Variants in KREMEN1 observed in about 807,000 individuals in gnomAD.
KREMEN1 encodes kringle containing transmembrane protein 1, also known as kremen protein 1.
KREMEN1 carries 30 observed loss-of-function variants against 46.5 expected under a neutral mutation model. The ratio of observed to expected loss-of-function variants is 0.65; its 90% CI spans 0.48 to 0.88. The LOEUF (loss-of-function observed/expected upper bound fraction) is 0.88, where lower values mean the gene tolerates loss of function less well. Ranked by LOEUF, KREMEN1 falls within the 40% of genes least tolerant of loss-of-function variation. KREMEN1 has a pLI of 0.00. For missense variants in KREMEN1, 533 were observed against 596.9 expected (o/e 0.89, Z 1.11); for synonymous variants, 214 against 230.6 (o/e 0.93, Z 0.65).
At position 29,131,592 on chromosome 22, in the gene KREMEN1, GTGTA is replaced by G. The variant is rs1478405424; in HGVS notation, c.632-5748_632-5745del. 5.4e-4 allele frequency among the ~76,000 whole-genome samples: 70 copies of G among 129,050 alleles called. 1 individual carries two copies. The highest frequency in any genetic ancestry group is 1.3e-3 in the Admixed American group (17 of 12,662). The allele number at this position is 129,050 out of a possible 152,430, so 84.7% of individuals were successfully genotyped here. A position where few individuals can be genotyped will look rare whatever the true frequency, so the allele number is the denominator to read the frequency against. ...TGTGTGTGTGTGTGTGTGTGTGTGT[GTGTA>G]TATGTATATATGTGTGTATATATAT... On this transcript the variant is annotated intron_variant, in intron 5 of 8. Coordinates refer to ENST00000400335, the MANE Select transcript of KREMEN1 (RefSeq NM_001039570.3).
rs1486458891 is a variant in KREMEN1 at position 29,080,102 on chromosome 22, AGGATGG to A, written c.97+6879_97+6884del. ...TTCCTATGTCTATGGGGAAATAAACAGGATGGGGACTGTCCTTTTAAGGGGCTTTCC... is the reference window on the plus strand; with the variant it reads ...TTCCTATGTCTATGGGGAAATAAACAGGACTGTCCTTTTAAGGGGCTTTCC... On this transcript the variant is annotated intron_variant, in intron 1 of 8. Transcript: ENST00000400335. 2.6e-5 allele frequency among the ~76,000 whole-genome samples: 4 copies of A among 152,358 alleles called. No individual in the cohort carries two copies. The East Asian group carries it at 7.7e-4, about 29-fold the overall frequency.
Position 29,142,858 on chromosome 22 carries a change from A to C in KREMEN1, c.*746A>C, listed in dbSNP as rs1267247818. On this transcript the variant is annotated 3_prime_UTR_variant, in exon 9 of 9. Transcript: ENST00000400335. ...GCTTTAAGAGCTTTGGTCATATAAAACATCCATTCAGCTGGGCGCGATGGC... is the reference window on the plus strand; with the variant it reads ...GCTTTAAGAGCTTTGGTCATATAAACCATCCATTCAGCTGGGCGCGATGGC... 4 of 985,316 alleles carry C rather than the reference A, an allele frequency of 4.1e-6. No individual in the cohort carries two copies. The African/African-American group carries it at 5.2e-5, about 13-fold the overall frequency. 61.0% of individuals were successfully genotyped at this position (985,316 alleles called of 1,614,324 possible). A position where few individuals can be genotyped will look rare whatever the true frequency, so the allele number is the denominator to read the frequency against.
At chr22:29,083,764 G>A (rs1267940914) in intron 1 of KREMEN1, among the ~76,000 whole-genome samples, 2 of 152,120 alleles carry the variant, frequency 1.3e-5, no homozygotes, top group Non-Finnish European at 2.9e-5. Context: ...CCTAGGAGGC[G>A]GATGTTGCAG....
At chr22:29,133,705 C>T (rs2038607887) in intron 5 of KREMEN1, among the ~76,000 whole-genome samples, 1 of 151,128 alleles carries the variant, frequency 6.6e-6, no homozygotes, top group Non-Finnish European at 1.5e-5. Flanking sequence ...TTTTTGTTTG[C>T]TTGGGTTTGC....
chr22:29,105,509 A>G (rs134673), intron 3 of KREMEN1, among the ~76,000 whole-genome samples: 54 of 150,284 alleles, frequency 3.6e-4, no homozygotes, highest in African/African-American at 1.2e-3. Context: ...ACACACACAC[A>G]CACTCTGATG....
intron 5 of KREMEN1, among the ~76,000 whole-genome samples, chr22:29,129,951 A>G (rs1197843066): frequency 6.6e-6 from 1 of 152,164 alleles, no homozygotes; most frequent in Non-Finnish European, 1.5e-5. Flanking sequence ...ACAGAAGAAC[A>G]TGTAGGCCAG....
intron 5 of KREMEN1, among the ~76,000 whole-genome samples, chr22:29,128,863 G>C (rs2038487659): frequency 6.6e-6 from 1 of 152,182 alleles, no homozygotes; most frequent in Non-Finnish European, 1.5e-5. Context: ...TCTATTTTCA[G>C]CAGCTAGAAT....
chr22:29,128,922 T>G (rs2038489342), intron 5 of KREMEN1, among the ~76,000 whole-genome samples: 2 of 152,236 alleles, frequency 1.3e-5, no homozygotes, highest in South Asian at 4.1e-4. Context: ...GGATCCAGTT[T>G]TATGCTTTAA....
chr22:29,157,590 G>A (rs927628224), intron 9 of KREMEN1, among the ~76,000 whole-genome samples: 5 of 152,142 alleles, frequency 3.3e-5, no homozygotes, highest in South Asian at 2.1e-4. Context: ...CACCTGCCTC[G>A]GCCTCCCAAA....
Position 29,143,658 on chromosome 22 carries a change from C to T in KREMEN1, c.*1546C>T, listed in dbSNP as rs372810998. 14 of 771,448 alleles carry T rather than the reference C, an allele frequency of 1.8e-5. No homozygotes were observed. The South Asian group carries it at 3.5e-4, about 19-fold the overall frequency. 47.8% of individuals were successfully genotyped at this position (771,448 alleles called of 1,614,324 possible). A position where few individuals can be genotyped will look rare whatever the true frequency, so the allele number is the denominator to read the frequency against. ...TCGGGAGGCTGAGGCAGGAGAATGG[C>T]GTGAACCCGGGAGGCGGAGCTTGCA... On this transcript the variant is annotated 3_prime_UTR_variant, in exon 9 of 9. Coordinates refer to ENST00000400335, the MANE Select transcript of KREMEN1 (RefSeq NM_001039570.3).
rs538651542 is a variant in KREMEN1, at chr22:29,129,336, G to A, written c.631+3920G>A. On this transcript the variant is annotated intron_variant, in intron 5 of 8. Transcript: ENST00000400335. ...TACTCCAGCCTGGGCGACAGAGTGA[G>A]ACTCCATCTAAAAAAAAAAAGGTCC... Among the ~76,000 whole-genome samples, 26 of 151,600 alleles carry A rather than the reference G, an allele frequency of 1.7e-4. No individual in the cohort carries two copies. In the East Asian group the frequency reaches 4.8e-3, roughly 28 times the overall value.
rs141052852 is a variant in KREMEN1 at position 29,099,008 on chromosome 22, C to T, written c.352+55C>T. 5.9e-4 allele frequency: 794 copies of T among 1,341,700 alleles called. 3 individuals carry two copies. In the African/African-American group the frequency reaches 9.6e-3, roughly 16 times the overall value. 83.1% of individuals were successfully genotyped at this position (1,341,700 alleles called of 1,614,324 possible). A position where few individuals can be genotyped will look rare whatever the true frequency, so the allele number is the denominator to read the frequency against. On this transcript the variant is annotated intron_variant, in intron 3 of 8. Coordinates refer to ENST00000400335, the MANE Select transcript of KREMEN1 (RefSeq NM_001039570.3). ...TACAGGACTGTGAACACTAAGAGTG[C>T]GTAGAGGGAGGCCCCTGCCAGAGGT... is the stretch of plus-strand genomic sequence containing the variant.
chr22:29,161,012 C>A (rs2039005409), intron 9 of KREMEN1, among the ~76,000 whole-genome samples: 1 of 152,138 alleles, frequency 6.6e-6, no homozygotes, highest in East Asian at 1.9e-4. Context: ...ATCAAATAAG[C>A]AAAATCAGAA....
In KREMEN1 at chr22:29,143,864, T is replaced by G. The variant is rs1400441001; in HGVS notation, c.*1752T>G. ...TCTTGTCCCCAGTCCCTTGCCACCCTGTCCCTTAGATAGGGAGGTGGGCTG... is the reference window on the plus strand; with the variant it reads ...TCTTGTCCCCAGTCCCTTGCCACCCGGTCCCTTAGATAGGGAGGTGGGCTG... On this transcript the variant is annotated 3_prime_UTR_variant, in exon 9 of 9. Transcript: ENST00000400335. 1 of 985,344 alleles carries G rather than the reference T, an allele frequency of 1.0e-6. No homozygotes were observed. Among genetic ancestry groups the G allele is most frequent in the Non-Finnish European group, 1.2e-6 (1 of 829,986 alleles). The allele number at this position is 985,344 out of a possible 1,614,324, so 61.0% of individuals were successfully genotyped here. A position where few individuals can be genotyped will look rare whatever the true frequency, so the allele number is the denominator to read the frequency against.
At chr22:29,089,830 T>C (rs2037781056) in intron 1 of KREMEN1, among the ~76,000 whole-genome samples, 1 of 152,208 alleles carries the variant, frequency 6.6e-6, no homozygotes, top group Admixed American at 6.5e-5. Context: ...GCAGGGGCTT[T>C]GCATTTGCTG....
chr22:29,094,571 TTACACA>T (rs757101155), intron 2 of KREMEN1, 151 bp downstream of exon 2: 1 of 340,276 alleles, frequency 2.9e-6, no homozygotes, highest in Non-Finnish European at 5.0e-6. Flanking sequence ...CTTTCACACC[TTACACA>T]CACACACACA....
chr22:29,156,369 G>T (rs934881062), intron 9 of KREMEN1, among the ~76,000 whole-genome samples: 13 of 152,226 alleles, frequency 8.5e-5, no homozygotes, highest in African/African-American at 2.9e-4. Flanking sequence ...CCTTTGGAAA[G>T]AGACAAAAAG....
chr22:29,124,644 G>C (rs6005998), intron 4 of KREMEN1, among the ~76,000 whole-genome samples: 2,125 of 151,948 alleles, frequency 0.014, 49 homozygotes, highest in African/African-American at 0.049. Context: ...AGGTGCCCAC[G>C]ACCACACCTG....
At chr22:29,091,457 T>G (rs1317440227) in intron 1 of KREMEN1, among the ~76,000 whole-genome samples, 1 of 152,220 alleles carries the variant, frequency 6.6e-6, no homozygotes, top group African/African-American at 2.4e-5. Flanking sequence ...AAAAATTTTA[T>G]TTTTATCCTA....
Sources: allele counts gnomAD v4.1 joint callset (sites outside exome capture counted in the v4.1 genomes callset), GRCh38; gene constraint gnomAD v4.1.1; transcripts MANE v1.5; gene names NCBI Gene and HGNC (gene_info 2026-07-23, HGNC 2026-07-21).